KCNQ1: variants seen among roughly 807,000 people sequenced by gnomAD.
KCNQ1 encodes potassium voltage-gated channel subfamily KQT member 1.
KCNQ1 carries 49 observed loss-of-function variants against 72.4 expected under a neutral mutation model. That is an observed-to-expected ratio of 0.68 (90% confidence interval 0.54 to 0.86). The LOEUF (loss-of-function observed/expected upper bound fraction) is 0.86. Ranked by LOEUF, KCNQ1 falls within the 40% of genes least tolerant of loss-of-function variation. The pLI is 0.00. For missense variants in KCNQ1, 790 were observed against 945.1 expected (o/e 0.84, Z 2.15); for synonymous variants, 450 against 412.6 (o/e 1.09, Z -1.10).
At position 2,695,772 on chromosome 11, in the gene KCNQ1, C is replaced by A; in HGVS notation, c.1514+33691C>A. 2.5e-6 allele frequency: 1 copy of A among 398,652 alleles called. No homozygotes were observed. Among genetic ancestry groups the A allele is most frequent in the South Asian group, 1.3e-4 (1 of 7,858 alleles). 24.7% of individuals were successfully genotyped at this position (398,652 alleles called of 1,614,324 possible). A position where few individuals can be genotyped will look rare whatever the true frequency, so the allele number is the denominator to read the frequency against. Reference sequence around the variant, plus strand: ...CCTTCTGCCAACACTTGGCCTTATCCTACTTTCTAATGCTTCTCCTATGAA... The same window carrying A: ...CCTTCTGCCAACACTTGGCCTTATCATACTTTCTAATGCTTCTCCTATGAA... On this transcript the variant is annotated intron_variant, in intron 11 of 15. Coordinates refer to ENST00000155840, the MANE Select transcript of KCNQ1 (RefSeq NM_000218.3). This position sits in a 1 kb window ranked among gnomAD's most constrained non-coding sequence, Gnocchi z 5.2.
In KCNQ1 at chr11:2,593,247, G is replaced by T. The variant is rs1848692797; in HGVS notation, c.1393+4393G>T. On this transcript the variant is annotated intron_variant, in intron 10 of 15. Transcript: ENST00000155840. The surrounding 1 kb of genome is among the most constrained non-coding windows in gnomAD (Gnocchi z 6.9). Reference sequence around the variant, plus strand: ...GCTGGCCGGAGGTGGCCTCCTGAATGCCCCTAGGAGGCCAGAGGAGACTTC... The same window carrying T: ...GCTGGCCGGAGGTGGCCTCCTGAATTCCCCTAGGAGGCCAGAGGAGACTTC... 6.6e-6 allele frequency among the ~76,000 whole-genome samples: 1 copy of T among 152,208 alleles called. No homozygotes were observed.
chr11:2,777,793 C>A, intron 14 of KCNQ1, 183 bp from the exon 15 acceptor site: 1 of 643,202 alleles, frequency 1.6e-6, no homozygotes, highest in South Asian at 1.8e-5. Flanking sequence ...GCAGCCATGC[C>A]CGGCCACCGT....
In KCNQ1 at chr11:2,673,408, C is replaced by G. The variant is rs1590022950; in HGVS notation, c.1514+11327C>G. On this transcript the variant is annotated intron_variant, in intron 11 of 15. Transcript: ENST00000155840. This position sits in a 1 kb window ranked among gnomAD's most constrained non-coding sequence, Gnocchi z 4.5. ...TGGCCTTTGTTTAGCCCACCTTCTGCCTAGGCACCAGGCCTGGAGGTTCCA... is the reference window on the plus strand; with the variant it reads ...TGGCCTTTGTTTAGCCCACCTTCTGGCTAGGCACCAGGCCTGGAGGTTCCA... 1 of 398,686 alleles carries G rather than the reference C, an allele frequency of 2.5e-6. No homozygotes were observed. The highest frequency in any genetic ancestry group is 3.6e-5 in the East Asian group (1 of 28,080). The allele number at this position is 398,686 out of a possible 1,614,324, so 24.7% of individuals were successfully genotyped here.
chr11:2,793,186 A>C (rs1431804774), intron 15 of KCNQ1, among the ~76,000 whole-genome samples: 1 of 152,222 alleles, frequency 6.6e-6, no homozygotes, highest in African/African-American at 2.4e-5. Context: ...GCCTGGGTGC[A>C]CCCGACAAAC....
rs917990043 is a variant in KCNQ1 at position 2,824,392 on chromosome 11, G to A, written c.1795-23375G>A. Among the ~76,000 whole-genome samples, 2 of 152,166 alleles carry A rather than the reference G, an allele frequency of 1.3e-5. No individual in the cohort carries two copies. The highest frequency in any genetic ancestry group is 6.5e-5 in the Admixed American group (1 of 15,276). On this transcript the variant is annotated intron_variant, in intron 15 of 15. Coordinates refer to ENST00000155840, the MANE Select transcript of KCNQ1 (RefSeq NM_000218.3). The surrounding 1 kb of genome is among the most constrained non-coding windows in gnomAD (Gnocchi z 5.9). ...GGTGGTGAAGGAGGGGAGTCTTCAG[G>A]AAAGACCCCCAGGTTCTGGCTTGGC...
chr11:2,646,443 T>C (rs1849667360), intron 10 of KCNQ1: 6 of 398,556 alleles, frequency 1.5e-5, no homozygotes, highest in Non-Finnish European at 2.2e-5. Flanking sequence ...TTTGCTTTTT[T>C]TTGTAGCTAT....
At chr11:2,496,298 A>T (rs1251997337) in intron 1 of KCNQ1, among the ~76,000 whole-genome samples, 7 of 151,864 alleles carry the variant, frequency 4.6e-5, no homozygotes, top group African/African-American at 1.5e-4. Flanking sequence ...TTAGTCAGGC[A>T]TGGTGGCGGG....
chr11:2,684,519 G>A lies in KCNQ1; in HGVS notation c.1514+22438G>A, dbSNP rs117013711. ...TTCTATTCCTCCTATTCCACTGTTA[G>A]GTGTTGGAAAAGCAATATATTTGAT... On this transcript the variant is annotated intron_variant, in intron 11 of 15. Transcript: ENST00000155840. 2.9e-3 allele frequency: 1,170 copies of A among 398,624 alleles called. 21 individuals are homozygous for A. The East Asian group carries it at 0.041, about 14-fold the overall frequency. 24.7% of individuals were successfully genotyped at this position (398,624 alleles called of 1,614,324 possible). A position where few individuals can be genotyped will look rare whatever the true frequency, so the allele number is the denominator to read the frequency against.
intron 15 of KCNQ1, among the ~76,000 whole-genome samples, chr11:2,798,274 C>T (rs190501182): frequency 9.9e-5 from 15 of 152,268 alleles, no homozygotes; most frequent in East Asian, 7.7e-4. Context: ...GGTCACCTTT[C>T]GGCTTGGCAT....
chr11:2,645,769 G>T lies in KCNQ1; in HGVS notation c.1394-16192G>T. On this transcript the variant is annotated intron_variant, in intron 10 of 15. Transcript: ENST00000155840. This position sits in a 1 kb window ranked among gnomAD's most constrained non-coding sequence, Gnocchi z 5.8. Reference sequence around the variant, plus strand: ...TCCAGGGATGAGATAGAGGGATGTGGGGCCCACAGCAGATGCAGTCTGGTG... The same window carrying T: ...TCCAGGGATGAGATAGAGGGATGTGTGGCCCACAGCAGATGCAGTCTGGTG... The T allele has an allele frequency of 2.5e-6, 1 of 398,724 alleles. No homozygotes were observed. Among genetic ancestry groups the T allele is most frequent in the South Asian group, 1.3e-4 (1 of 7,834 alleles). The allele number at this position is 398,724 out of a possible 1,614,324, so 24.7% of individuals were successfully genotyped here.
chr11:2,806,445 C>T lies in KCNQ1; in HGVS notation c.1794+28408C>T, dbSNP rs551623495. On this transcript the variant is annotated intron_variant, in intron 15 of 15. Coordinates refer to ENST00000155840, the MANE Select transcript of KCNQ1 (RefSeq NM_000218.3). Reference sequence around the variant, plus strand: ...CACTGTGCCCAGTGAAGCCTGGCTTCCTTGTCTGTGGTGCCAGCCATGTGG... The same window carrying T: ...CACTGTGCCCAGTGAAGCCTGGCTTTCTTGTCTGTGGTGCCAGCCATGTGG... 6.6e-5 allele frequency among the ~76,000 whole-genome samples: 10 copies of T among 152,284 alleles called. No individual in the cohort carries two copies. The South Asian group carries it at 8.3e-4, about 13-fold the overall frequency.
Position 2,674,411 on chromosome 11 carries a change from G to A in KCNQ1, c.1514+12330G>A, listed in dbSNP as rs1038377467. ...TGCATGCGTGCGTGTGTGTGTGCGC[G>A]CCCGCGCGCACACGACCACAGAGGC... On this transcript the variant is annotated intron_variant, in intron 11 of 15. Coordinates refer to ENST00000155840, the MANE Select transcript of KCNQ1 (RefSeq NM_000218.3). The surrounding 1 kb of genome is among the most constrained non-coding windows in gnomAD (Gnocchi z 5.9). The A allele has an allele frequency of 4.6e-5, 9 of 193,854 alleles. No homozygotes were observed. The highest frequency in any genetic ancestry group is 1.4e-4 in the African/African-American group (6 of 41,392). The allele number at this position is 193,854 out of a possible 1,614,324, so 12.0% of individuals were successfully genotyped here.
At chr11:2,689,828 A>C (rs1850559138) in intron 11 of KCNQ1, 1 of 398,774 alleles carries the variant, frequency 2.5e-6, no homozygotes, top group Admixed American at 4.4e-5. Flanking sequence ...TGGCCCTCCC[A>C]GGTGCCTGGT....
At position 2,488,106 on chromosome 11, in the gene KCNQ1, A is replaced by G. The variant is rs1188467560; in HGVS notation, c.387-39822A>G. Among the ~76,000 whole-genome samples the G allele has an allele frequency of 2.6e-5, 4 of 152,156 alleles. No individual in the cohort carries two copies. The highest frequency in any genetic ancestry group is 5.9e-5 in the Non-Finnish European group (4 of 68,020). On this transcript the variant is annotated intron_variant, in intron 1 of 15. Transcript: ENST00000155840. The surrounding 1 kb of genome is among the most constrained non-coding windows in gnomAD (Gnocchi z 5.1). ...ATTTTGTCAAATGCTTTTTGTATCAATTGAGATCATGTGATCATGTGAGTG... is the reference window on the plus strand; with the variant it reads ...ATTTTGTCAAATGCTTTTTGTATCAGTTGAGATCATGTGATCATGTGAGTG...
rs949964317 is a variant in KCNQ1 at position 2,547,809 on chromosome 11, C to T, written c.477+19791C>T. Among the ~76,000 whole-genome samples the T allele has an allele frequency of 4.6e-5, 7 of 152,218 alleles. No homozygotes were observed. Among genetic ancestry groups the T allele is most frequent in the African/African-American group, 1.7e-4 (7 of 41,514 alleles). On this transcript the variant is annotated intron_variant, in intron 2 of 15. Coordinates refer to ENST00000155840, the MANE Select transcript of KCNQ1 (RefSeq NM_000218.3). The surrounding 1 kb of genome is among the most constrained non-coding windows in gnomAD (Gnocchi z 4.2). ...GGGCGGCAGTTCTCAGTGGAGCGGCCGGGCTGCGAGTCTCTGTATGGAGGT... is the reference window on the plus strand; with the variant it reads ...GGGCGGCAGTTCTCAGTGGAGCGGCTGGGCTGCGAGTCTCTGTATGGAGGT...
intron 1 of KCNQ1, among the ~76,000 whole-genome samples, chr11:2,502,483 A>G (rs1847032350): frequency 6.6e-6 from 1 of 152,228 alleles, no homozygotes; most frequent in African/African-American, 2.4e-5. Context: ...TTAACCAAAG[A>G]AGTGAGAGAT....
chr11:2,846,510 G>A (rs568188893), intron 15 of KCNQ1, among the ~76,000 whole-genome samples: 17 of 152,156 alleles, frequency 1.1e-4, no homozygotes, highest in African/African-American at 3.4e-4. Context: ...AGAGCTGTGC[G>A]CCCTCCCCGA....
At chr11:2,506,470 G>A (rs1847107483) in intron 1 of KCNQ1, among the ~76,000 whole-genome samples, 1 of 152,106 alleles carries the variant, frequency 6.6e-6, no homozygotes, top group Non-Finnish European at 1.5e-5. Context: ...GGGCATTTAG[G>A]TTGTTCTGAT....
rs779536473 is a variant in KCNQ1, at chr11:2,611,513, A to G, written c.1393+22659A>G. The G allele has an allele frequency of 1.1e-4, 42 of 398,260 alleles. No individual in the cohort carries two copies. The highest frequency in any genetic ancestry group is 1.6e-4 in the Non-Finnish European group (37 of 226,050). The allele number at this position is 398,260 out of a possible 1,614,324, so 24.7% of individuals were successfully genotyped here. A position where few individuals can be genotyped will look rare whatever the true frequency, so the allele number is the denominator to read the frequency against. On this transcript the variant is annotated intron_variant, in intron 10 of 15. Transcript: ENST00000155840. This position sits in a 1 kb window ranked among gnomAD's most constrained non-coding sequence, Gnocchi z 5.3. ...AGGTGTGAGCCACTGCACCCAGCCA[A>G]TTTTGTCTGATTTTAGTACAGTCAC...
Sources: gnomAD v4.1 joint callset for allele counts (sites outside exome capture counted in the v4.1 genomes callset) on GRCh38, gnomAD v4.1.1 for gene constraint, Gnocchi (gnomAD v3.1) non-coding constraint, MANE v1.5 for transcripts, NCBI Gene and HGNC (gene_info 2026-07-23, HGNC 2026-07-21) for gene names.